The following HNF4G variants were observed in gnomAD, a reference collection of about 807,000 sequenced individuals.
The protein encoded by HNF4G is hepatocyte nuclear factor 4 gamma, also known as hepatocyte nuclear factor 4-gamma.
A neutral mutation model predicts 50.9 loss-of-function variants in HNF4G; 21 were observed. The ratio of observed to expected loss-of-function variants is 0.41; its 90% CI spans 0.29 to 0.59. The LOEUF (loss-of-function observed/expected upper bound fraction) is 0.59. Ranked by LOEUF, HNF4G falls within the 20% of genes least tolerant of loss-of-function variation. The pLI is 0.26. For missense variants in HNF4G, 527 were observed against 559.4 expected (o/e 0.94, Z 0.58); for synonymous variants, 198 against 185.6 (o/e 1.07, Z -0.54).
At chr8:75,454,233 C>T (rs908545556) in intron 1 of HNF4G, among the ~76,000 whole-genome samples, 12 of 152,062 alleles carry the variant, frequency 7.9e-5, no homozygotes, top group African/African-American at 2.7e-4. Flanking sequence ...TGCTAGCACC[C>T]TGATTTTGGA....
intron 1 of HNF4G, among the ~76,000 whole-genome samples, chr8:75,414,558 T>C (rs114809191): frequency 0.017 from 2,605 of 152,230 alleles, 51 homozygotes; most frequent in African/African-American, 0.039. Flanking sequence ...TTCCCTTCCT[T>C]CCCTGTCCCA....
intron 1 of HNF4G, among the ~76,000 whole-genome samples, chr8:75,425,209 C>T (rs1810865222): frequency 6.6e-6 from 1 of 151,882 alleles, no homozygotes; most frequent in Non-Finnish European, 1.5e-5. Flanking sequence ...CTCAGCCTCC[C>T]GAGTAGCTGG....
chr8:75,515,087 T>C (rs1805855315), intron 2 of HNF4G, among the ~76,000 whole-genome samples: 1 of 152,318 alleles, frequency 6.6e-6, no homozygotes, highest in South Asian at 2.1e-4. Flanking sequence ...TGCTCAACAA[T>C]GTCTATGTAT....
chr8:75,534,625 C>T lies in HNF4G; in HGVS notation c.-23-9186C>T, dbSNP rs535449785. The stretch of plus-strand genomic sequence containing the variant: ...ATAAATATAAATAGTTCAGGTAAAC[C>T]ATAAATACTAGAAAGAATATAGTAG... On this transcript the variant is annotated intron_variant, in intron 2 of 10. Coordinates refer to the HNF4G transcript ENST00000354370. 4.0e-5 allele frequency among the ~76,000 whole-genome samples: 6 copies of T among 151,890 alleles called. No individual in the cohort carries two copies. The South Asian group carries it at 1.0e-3, about 26-fold the overall frequency.
At chr8:75,434,680 A>ACG (rs1214642260) in intron 1 of HNF4G, among the ~76,000 whole-genome samples, 1 of 151,308 alleles carries the variant, frequency 6.6e-6, no homozygotes, top group Non-Finnish European at 1.5e-5. Context: ...AGGCCAACAC[A>ACG]CACACACACA....
intron 3 of HNF4G, among the ~76,000 whole-genome samples, chr8:75,550,145 T>A (rs948313122): frequency 6.6e-6 from 1 of 152,206 alleles, no homozygotes; most frequent in Non-Finnish European, 1.5e-5. Flanking sequence ...AGAAAAAAAA[T>A]GATATTTTAA....
chr8:75,488,448 T>C lies in HNF4G; in HGVS notation c.-143-1641T>C, dbSNP rs190635395. ...GCCACCATGCCTGGCTATTTTTTTT[T>C]TGTATTTTTAGTAGAGACAGGGTTT... On this transcript the variant is annotated intron_variant, in intron 1 of 10. Transcript: ENST00000354370. 4.7e-3 allele frequency among the ~76,000 whole-genome samples: 710 copies of C among 152,078 alleles called. 3 individuals are homozygous for C. The highest frequency in any genetic ancestry group is 0.016 in the African/African-American group (677 of 41,492).
intron 2 of HNF4G, among the ~76,000 whole-genome samples, chr8:75,503,774 G>T (rs1812992974): frequency 6.6e-6 from 1 of 152,136 alleles, no homozygotes; most frequent in South Asian, 2.1e-4. Context: ...ATAACTCTGG[G>T]TATGCCAGTG....
At chr8:75,421,271 C>G (rs1260916100) in intron 1 of HNF4G, among the ~76,000 whole-genome samples, 1 of 152,190 alleles carries the variant, frequency 6.6e-6, no homozygotes, top group Non-Finnish European at 1.5e-5. Flanking sequence ...CAGTTCAGAG[C>G]TCTGTGACCA....
At chr8:75,480,532 TG>T (rs1812351413) in intron 1 of HNF4G, among the ~76,000 whole-genome samples, 1 of 152,228 alleles carries the variant, frequency 6.6e-6, no homozygotes, top group African/African-American at 2.4e-5. Context: ...ATTAATTTTT[TG>T]TATTGAAGTA....
At chr8:75,503,009 C>CT (rs1812971838) in intron 2 of HNF4G, among the ~76,000 whole-genome samples, 1 of 152,076 alleles carries the variant, frequency 6.6e-6, no homozygotes, top group Non-Finnish European at 1.5e-5. Flanking sequence ...CTTGCATACA[C>CT]TTTTTCTGGA....
chr8:75,484,152 A>G lies in HNF4G; in HGVS notation c.-143-5937A>G, dbSNP rs891795249. Among the ~76,000 whole-genome samples, 5 of 152,342 alleles carry G rather than the reference A, an allele frequency of 3.3e-5. No homozygotes were observed. The East Asian group carries it at 5.8e-4, about 18-fold the overall frequency. Reference sequence around the variant, plus strand: ...CCAACGTGTCATTAAGAAGAATTCTAAGTAAATTAGAATGTTTAGCTCAGC... The same window carrying G: ...CCAACGTGTCATTAAGAAGAATTCTGAGTAAATTAGAATGTTTAGCTCAGC... On this transcript the variant is annotated intron_variant, in intron 1 of 10. Coordinates refer to the HNF4G transcript ENST00000354370.
intron 1 of HNF4G, among the ~76,000 whole-genome samples, chr8:75,479,066 C>A (rs1378538654): frequency 3.3e-5 from 5 of 152,184 alleles, no homozygotes; most frequent in Admixed American, 2.6e-4. Flanking sequence ...TGAAAAATAT[C>A]TAGCACAGAA....
chr8:75,515,258 T>A (rs1805859386), intron 2 of HNF4G, among the ~76,000 whole-genome samples: 1 of 152,212 alleles, frequency 6.6e-6, no homozygotes, highest in African/African-American at 2.4e-5. Context: ...ATTTTAGGTT[T>A]CATTTGCTCT....
chr8:75,504,289 C>T (rs1169682554), intron 2 of HNF4G, among the ~76,000 whole-genome samples: 1 of 145,254 alleles, frequency 6.9e-6, no homozygotes. Flanking sequence ...AAAACAACAA[C>T]AAAAAAAATC....
At position 75,562,594 on chromosome 8, in the gene HNF4G, A is replaced by G. The variant is rs546478349; in HGVS notation, c.1247-1381A>G. Among the ~76,000 whole-genome samples, 3 of 152,318 alleles carry G rather than the reference A, an allele frequency of 2.0e-5. No individual in the cohort carries two copies. In the South Asian group the frequency reaches 6.2e-4, roughly 32 times the overall value. The stretch of plus-strand genomic sequence containing the variant: ...TAACAACACAATAAACATTGTAGGA[A>G]TCAACTGACAAGAGAGTTGGACAGT... On this transcript the variant is annotated intron_variant, in intron 9 of 9. Coordinates refer to ENST00000396423, the MANE Select transcript of HNF4G (RefSeq NM_004133.5).
chr8:75,469,123 A>T (rs137991583), intron 1 of HNF4G, among the ~76,000 whole-genome samples: 2 of 152,334 alleles, frequency 1.3e-5, no homozygotes, highest in East Asian at 3.9e-4. Flanking sequence ...TCTGAGGTGC[A>T]GGTGGAAGGA....
At chr8:75,457,290 A>G (rs34111858) in intron 1 of HNF4G, among the ~76,000 whole-genome samples, 7,640 of 152,262 alleles carry the variant, frequency 0.05, 264 homozygotes, top group Non-Finnish European at 0.072. Context: ...GATCAGATGA[A>G]GATTTGTATT....
intron 1 of HNF4G, among the ~76,000 whole-genome samples, chr8:75,456,554 T>C (rs1811728831): frequency 6.6e-6 from 1 of 152,118 alleles, no homozygotes; most frequent in East Asian, 1.9e-4. Context: ...CTGATTTATT[T>C]TATTTTTAAA....
Sources: gnomAD v4.1 joint callset for allele counts (sites outside exome capture counted in the v4.1 genomes callset) on GRCh38, gnomAD v4.1.1 for gene constraint, MANE v1.5 for transcripts, NCBI Gene and HGNC (gene_info 2026-07-23, HGNC 2026-07-21) for gene names.